Variants in COL4A3 observed in about 807,000 individuals in gnomAD.
COL4A3 encodes the protein collagen alpha-3(IV) chain.
In COL4A3, 135 loss-of-function variants were observed where a neutral mutation model predicts 217.4. The ratio of observed to expected loss-of-function variants is 0.62; its 90% CI spans 0.54 to 0.72. COL4A3 has a LOEUF of 0.72. Among genes scored for constraint, COL4A3 ranks in the 30% least tolerant of loss-of-function variants. COL4A3 has a pLI of 0.00. For synonymous variants in COL4A3, 690 were observed against 736.3 expected, an observed-to-expected ratio of 0.94 and a Z score of 1.02; for missense variants, 1,868 against 2,119.9, an observed-to-expected ratio of 0.88 and a Z score of 2.33.
In COL4A3 at chr2:227,250,697, G is replaced by C. The variant is rs992071937; in HGVS notation, c.547-443G>C. Among the ~76,000 whole-genome samples the C allele has an allele frequency of 1.3e-5, 2 of 152,184 alleles. No homozygotes were observed. The highest frequency in any genetic ancestry group is 2.4e-5 in the African/African-American group (1 of 41,448). On this transcript the variant is annotated intron_variant, in intron 9 of 51. Transcript: ENST00000396578. The surrounding 1 kb of genome is among the most constrained non-coding windows in gnomAD (Gnocchi z 4.1). Reference sequence around the variant, plus strand: ...GTTACAACTTTGGATAAGCAGGAAGGCTTTATGGAAAGGATGACAATTGCA... The same window carrying C: ...GTTACAACTTTGGATAAGCAGGAAGCCTTTATGGAAAGGATGACAATTGCA...
intron 8 of COL4A3, chr2:227,248,220 A>T (rs1259497663): frequency 1.5e-5 from 7 of 462,582 alleles, no homozygotes; most frequent in Admixed American, 3.0e-5. Flanking sequence ...GATTACAGGC[A>T]TGTGCCACTG....
intron 34 of COL4A3, 85 bp downstream of exon 34, chr2:227,284,430 A>G (rs757811321): frequency 2.0e-6 from 3 of 1,488,074 alleles, no homozygotes; most frequent in Non-Finnish European, 2.8e-6. Context: ...TTGGTTGACA[A>G]ATAAGGACAG....
intron 41 of COL4A3, 84 bp from the exon 42 acceptor site, chr2:227,297,590 G>C: frequency 7.8e-7 from 1 of 1,289,534 alleles, no homozygotes; most frequent in South Asian, 1.3e-5. Context: ...TTTAAGCAAA[G>C]TACCTACATT....
At chr2:227,252,068 C>CAAAAAAA (rs796320850) in intron 11 of COL4A3, among the ~76,000 whole-genome samples, 1 of 34,840 alleles carries the variant, frequency 2.9e-5, no homozygotes, top group Non-Finnish European at 6.2e-5. Flanking sequence ...GGCACCATCT[C>CAAAAAAA]AAAAAAAAAA....
At chr2:227,167,663 G>T (rs2065327420) in intron 1 of COL4A3, among the ~76,000 whole-genome samples, 1 of 152,162 alleles carries the variant, frequency 6.6e-6, no homozygotes, top group Admixed American at 6.5e-5. Flanking sequence ...TTCTCACCGG[G>T]CTTCATTTTC....
chr2:227,277,406 A>T (rs2071643864), intron 27 of COL4A3, 43 bp from the exon 28 acceptor site: 1 of 1,174,996 alleles, frequency 8.5e-7, no homozygotes. Flanking sequence ...AAGATGAAGG[A>T]AAGTTGCTGA....
rs34242264 is a variant in COL4A3 at position 227,195,667 on chromosome 2, ATG to A, written c.87+30882_87+30883del. Among the ~76,000 whole-genome samples, 491 of 139,924 alleles carry A rather than the reference ATG, an allele frequency of 3.5e-3. 2 individuals carry two copies. Among genetic ancestry groups the A allele is most frequent in the Middle Eastern group, 0.015 (4 of 272 alleles). The allele number at this position is 139,924 out of a possible 152,430, so 91.8% of individuals were successfully genotyped here. Reference sequence around the variant, plus strand: ...GAGTCTATGCCACATATATATATATATGTGTGTGTGTGTGTGTGTGTGTGTGT... The same window carrying A: ...GAGTCTATGCCACATATATATATATATGTGTGTGTGTGTGTGTGTGTGTGT... On this transcript the variant is annotated intron_variant, in intron 1 of 51. Coordinates refer to ENST00000396578, the MANE Select transcript of COL4A3 (RefSeq NM_000091.5).
chr2:227,218,156 C>T (rs540943429), intron 1 of COL4A3, among the ~76,000 whole-genome samples: 2 of 149,244 alleles, frequency 1.3e-5, no homozygotes, highest in East Asian at 3.9e-4. Flanking sequence ...TTTCCAAATG[C>T]GACTGCTCAT....
At chr2:227,291,137 G>T (rs2072674390) in intron 37 of COL4A3, 7 of 478,926 alleles carry the variant, frequency 1.5e-5, no homozygotes, top group South Asian at 1.5e-4. Flanking sequence ...TAGGTGTGCT[G>T]CCAGAAGAAG....
intron 41 of COL4A3, among the ~76,000 whole-genome samples, chr2:227,297,203 CA>C (rs1157699154): frequency 3.3e-5 from 5 of 152,172 alleles, no homozygotes; most frequent in Non-Finnish European, 5.9e-5. Context: ...ATGCACACAT[CA>C]GTGCTACGCA....
At chr2:227,292,024 G>C (rs985717800) in intron 37 of COL4A3, among the ~76,000 whole-genome samples, 1 of 152,206 alleles carries the variant, frequency 6.6e-6, no homozygotes, top group Non-Finnish European at 1.5e-5. Context: ...AAGAAGCCCA[G>C]CAACCTCTTG....
At chr2:227,189,936 C>T (rs982687894) in intron 1 of COL4A3, among the ~76,000 whole-genome samples, 3 of 152,134 alleles carry the variant, frequency 2.0e-5, no homozygotes, top group Non-Finnish European at 2.9e-5. Context: ...ACCAGTAATT[C>T]TTCCCCCCAA....
chr2:227,167,042 T>C (rs566070588), intron 1 of COL4A3, among the ~76,000 whole-genome samples: 125 of 152,308 alleles, frequency 8.2e-4, no homozygotes, highest in African/African-American at 2.9e-3. Flanking sequence ...AAGAGAGAAG[T>C]TGGGAATCCA....
chr2:227,178,092 G>A (rs1348508321), intron 1 of COL4A3, among the ~76,000 whole-genome samples: 4 of 152,214 alleles, frequency 2.6e-5, no homozygotes, highest in East Asian at 1.9e-4. Flanking sequence ...AAAGAAAATC[G>A]GGCCGGGCAT....
intron 1 of COL4A3, among the ~76,000 whole-genome samples, chr2:227,184,248 A>T (rs2065945442): frequency 6.6e-6 from 1 of 152,214 alleles, no homozygotes; most frequent in South Asian, 2.1e-4. Flanking sequence ...AACCCTGGCT[A>T]GGAAACTCAT....
At chr2:227,283,928 T>G (rs567738081) in intron 33 of COL4A3, 72 bp downstream of exon 33, 3 of 1,351,528 alleles carry the variant, frequency 2.2e-6, no homozygotes, top group South Asian at 2.3e-5. Flanking sequence ...GCAAAAAAAG[T>G]TATGTTTCAT....
chr2:227,224,005 C>T (rs1274511202), intron 1 of COL4A3, among the ~76,000 whole-genome samples: 1 of 152,158 alleles, frequency 6.6e-6, no homozygotes, highest in Non-Finnish European at 1.5e-5. Flanking sequence ...CTCTGATACT[C>T]CAAGCAGGCC....
chr2:227,192,443 T>G (rs57993197), intron 1 of COL4A3, among the ~76,000 whole-genome samples: 140,856 of 152,220 alleles, frequency 0.93, 65,415 homozygotes, highest in East Asian at 1. Context: ...AAAACCAACC[T>G]TTTCATCTCT....
At chr2:227,276,244 A>C (rs2071553194) in intron 26 of COL4A3, 141 bp from the exon 27 acceptor site, 1 of 692,946 alleles carries the variant, frequency 1.4e-6, no homozygotes, top group Admixed American at 2.2e-5. Context: ...TCCTTAAGCT[A>C]GTTTTGAAGT....
Sources: gnomAD v4.1 joint callset for allele counts (sites outside exome capture counted in the v4.1 genomes callset) on GRCh38, gnomAD v4.1.1 for gene constraint, Gnocchi (gnomAD v3.1) non-coding constraint, MANE v1.5 for transcripts, NCBI Gene and HGNC (gene_info 2026-07-23, HGNC 2026-07-21) for gene names.